Variants in ME1 observed in about 807,000 individuals in gnomAD.
The protein encoded by ME1 is malic enzyme 1, also known as NADP-dependent malic enzyme.
ME1 carries 74 observed loss-of-function variants against 66.4 expected under a neutral mutation model. The ratio of observed to expected loss-of-function variants is 1.11; its 90% CI spans 0.92 to 1.35. ME1 has a LOEUF of 1.35. Among genes scored for constraint, ME1 ranks in the 40% most tolerant of loss-of-function variants. The pLI is 0.00. For synonymous variants in ME1, 251 were observed against 235.6 expected (o/e 1.07, Z -0.60); for missense variants, 750 against 694.1 (o/e 1.08, Z -0.90).
intron 6 of ME1, among the ~76,000 whole-genome samples, chr6:83,288,130 T>C (rs1042958001): frequency 6.6e-6 from 1 of 152,202 alleles, no homozygotes; most frequent in Admixed American, 6.5e-5. Flanking sequence ...TAATAGTTTC[T>C]TTTGCTGTGC....
chr6:83,416,975 G>A (rs1483303351), intron 1 of ME1, among the ~76,000 whole-genome samples: 1 of 151,794 alleles, frequency 6.6e-6, no homozygotes, highest in African/African-American at 2.4e-5. Flanking sequence ...TACATCTGTG[G>A]CATGTATCTG....
At chr6:83,263,345 A>G (rs542294525) in intron 6 of ME1, among the ~76,000 whole-genome samples, 1 of 152,268 alleles carries the variant, frequency 6.6e-6, no homozygotes, top group East Asian at 1.9e-4. Flanking sequence ...GAAAAGTCAC[A>G]CATCTCTTTA....
At chr6:83,322,021 T>A (rs569907219) in intron 5 of ME1, among the ~76,000 whole-genome samples, 2 of 152,142 alleles carry the variant, frequency 1.3e-5, no homozygotes, top group East Asian at 3.9e-4. Context: ...GGGACTGGAG[T>A]GGACCTCCAG....
intron 3 of ME1, among the ~76,000 whole-genome samples, chr6:83,378,084 A>AT (rs34171541): frequency 6.6e-6 from 1 of 151,736 alleles, no homozygotes; most frequent in South Asian, 2.1e-4. Flanking sequence ...GGGTCAGATT[A>AT]TTTTTTTTAA....
At chr6:83,403,178 G>T (rs1278472562) in intron 2 of ME1, among the ~76,000 whole-genome samples, 5 of 152,162 alleles carry the variant, frequency 3.3e-5, no homozygotes, top group African/African-American at 1.2e-4. Flanking sequence ...TTGTATGCAA[G>T]ATAGTTTATT....
chr6:83,398,004 G>C lies in ME1; in HGVS notation c.362+363C>G, dbSNP rs1261318973. Among the ~76,000 whole-genome samples the C allele has an allele frequency of 2.6e-5, 4 of 152,240 alleles. No individual in the cohort carries two copies. In the East Asian group the frequency reaches 7.7e-4, roughly 29 times the overall value. On this transcript the variant is annotated intron_variant, in intron 3 of 13. Transcript: ENST00000369705. The stretch of plus-strand genomic sequence containing the variant: ...GTAGGGGGAGCGGGTTGCGGGATTA[G>C]GGAAATGCTGGTTAAAAGGATACAA...
At chr6:83,333,991 G>C (rs919675964) in intron 5 of ME1, among the ~76,000 whole-genome samples, 2 of 151,906 alleles carry the variant, frequency 1.3e-5, no homozygotes, top group Admixed American at 6.6e-5. Flanking sequence ...AACAGCTCTG[G>C]TCTACAGCTC....
chr6:83,381,372 T>C (rs981632253), intron 3 of ME1, among the ~76,000 whole-genome samples: 6 of 151,920 alleles, frequency 3.9e-5, no homozygotes, highest in African/African-American at 1.5e-4. Context: ...AAATGAACTA[T>C]ATTAAGCCTG....
At chr6:83,385,791 T>C (rs1769493144) in intron 3 of ME1, among the ~76,000 whole-genome samples, 3 of 151,856 alleles carry the variant, frequency 2.0e-5, no homozygotes. Flanking sequence ...ACTTAAGATA[T>C]AGAATACTCT....
Position 83,239,608 on chromosome 6 carries a change from G to A in ME1, c.843C>T (p.Leu281=), listed in dbSNP as rs1448447275. 2 of 1,613,206 alleles carry A rather than the reference G, an allele frequency of 1.2e-6. No individual in the cohort carries two copies. The highest frequency in any genetic ancestry group is 2.2e-5 in the East Asian group (1 of 44,856). ...TCTTGGTTATTCGAAGAGCTGCAAGGAGACCTGCAACTGCAACAGATGCTG... is the reference window on the plus strand; with the variant it reads ...TCTTGGTTATTCGAAGAGCTGCAAGAAGACCTGCAACTGCAACAGATGCTG... ...QGTASVAVAG[L]LAALRITKNK... is the part of the protein sequence containing the mutation. Residue 281 remains leucine (L), a synonymous_variant, in exon 8 of 14, where the codon CTC becomes CTT. Transcript: ENST00000369705.
rs933939108 is a variant in ME1, at chr6:83,245,008, T to C, written c.815-5372A>G. ...CTGTGACCTATCAAAGAGCCGTTTT[T>C]AGTGGCATGCATGTCAGGGCTGAAG... On this transcript the variant is annotated intron_variant, in intron 7 of 13. Coordinates refer to ENST00000369705, the MANE Select transcript of ME1 (RefSeq NM_002395.6). 2.0e-5 allele frequency among the ~76,000 whole-genome samples: 3 copies of C among 152,134 alleles called. No individual in the cohort carries two copies. The South Asian group carries it at 6.2e-4, about 32-fold the overall frequency.
At chr6:83,226,964 G>C (rs969464438) in intron 11 of ME1, among the ~76,000 whole-genome samples, 2 of 152,116 alleles carry the variant, frequency 1.3e-5, no homozygotes, top group Non-Finnish European at 2.9e-5. Context: ...GCAAAAATAA[G>C]GTTGTGGTTT....
At chr6:83,315,257 G>C in intron 6 of ME1, 53 bp downstream of exon 6, 2 of 1,078,168 alleles carry the variant, frequency 1.9e-6, no homozygotes, top group Non-Finnish European at 1.4e-6. Context: ...TTTTTTAATA[G>C]TCTGTTATGT....
rs192985765 is a variant in ME1 at position 83,241,321 on chromosome 6, G to A, written c.815-1685C>T. On this transcript the variant is annotated intron_variant, in intron 7 of 13. Coordinates refer to ENST00000369705, the MANE Select transcript of ME1 (RefSeq NM_002395.6). ...ACTCTGAGATTCTATGATTTTAAGG[G>A]TTTCTATAAGATTTAACCAATTGAA... 1.3e-3 allele frequency among the ~76,000 whole-genome samples: 198 copies of A among 152,156 alleles called. 2 individuals carry two copies. Among genetic ancestry groups the A allele is most frequent in the African/African-American group, 4.6e-3 (191 of 41,506 alleles).
At chr6:83,300,310 C>A (rs1767691175) in intron 6 of ME1, among the ~76,000 whole-genome samples, 1 of 152,096 alleles carries the variant, frequency 6.6e-6, no homozygotes, top group African/African-American at 2.4e-5. Flanking sequence ...AAATATCATT[C>A]TGAACATAGG....
intron 3 of ME1, among the ~76,000 whole-genome samples, chr6:83,374,517 T>C (rs1248606088): frequency 1.3e-5 from 2 of 152,232 alleles, no homozygotes; most frequent in East Asian, 3.8e-4. Flanking sequence ...AGATGGTAGA[T>C]TGCAAAAATT....
At chr6:83,349,816 A>G (rs968734109) in intron 4 of ME1, among the ~76,000 whole-genome samples, 3 of 152,186 alleles carry the variant, frequency 2.0e-5, no homozygotes, top group East Asian at 1.9e-4. Context: ...TAATTCCACT[A>G]TATTCCAATA....
chr6:83,387,474 T>G (rs1436372047), intron 3 of ME1, among the ~76,000 whole-genome samples: 1 of 152,044 alleles, frequency 6.6e-6, no homozygotes, highest in Non-Finnish European at 1.5e-5. Context: ...GGGCTATACA[T>G]CTGCAGAAAC....
chr6:83,294,218 G>C (rs1028937846), intron 6 of ME1, among the ~76,000 whole-genome samples: 4 of 152,120 alleles, frequency 2.6e-5, no homozygotes, highest in Non-Finnish European at 4.4e-5. Context: ...GTATTATTAA[G>C]AACTGCTAAT....
Sources: allele counts gnomAD v4.1 joint callset (sites outside exome capture counted in the v4.1 genomes callset), GRCh38; gene constraint gnomAD v4.1.1; transcripts MANE v1.5; gene names NCBI Gene and HGNC (gene_info 2026-07-23, HGNC 2026-07-21).